FSTL4: variants seen among roughly 807,000 people sequenced by gnomAD.
The protein encoded by FSTL4 is follistatin-related protein 4.
A neutral mutation model predicts 78.2 loss-of-function variants in FSTL4; 28 were observed. The observed-to-expected ratio is 0.36, with a 90% CI of 0.27 to 0.49. The LOEUF is 0.49. FSTL4 is among the 20% of genes least tolerant of loss of function. FSTL4 has a pLI of 0.98. For synonymous variants in FSTL4, 422 were observed against 440.5 expected (o/e 0.96, Z 0.53); for missense variants, 922 against 1,084.9 (o/e 0.85, Z 2.11).
chr5:133,598,170 G>A (rs968886742), intron 2 of FSTL4, among the ~76,000 whole-genome samples: 1 of 152,050 alleles, frequency 6.6e-6, no homozygotes, highest in African/African-American at 2.4e-5. Context: ...CATCATGTCA[G>A]CAAGAACTAA....
upstream of FSTL4, among the ~76,000 whole-genome samples, chr5:133,616,645 G>A (rs1703875044): frequency 6.6e-6 from 1 of 151,920 alleles, no homozygotes; most frequent in Admixed American, 6.6e-5. Flanking sequence ...CAAGTAATTT[G>A]CCCCACCTCG....
chr5:133,801,636 C>T, the FSTL4 span, among the ~76,000 whole-genome samples: 1 of 152,274 alleles, frequency 6.6e-6, no homozygotes, highest in Non-Finnish European at 1.5e-5. Flanking sequence ...GGTGTCCCCG[C>T]CCCACTGCCA....
At chr5:133,592,801 C>A (rs1450572222) in intron 2 of FSTL4, among the ~76,000 whole-genome samples, 4 of 152,188 alleles carry the variant, frequency 2.6e-5, no homozygotes, top group Non-Finnish European at 5.9e-5. Context: ...TCACCTTCTA[C>A]CAGGAGTGGA....
At chr5:133,251,555 G>A (rs373129857) in intron 6 of FSTL4, among the ~76,000 whole-genome samples, 1 of 152,042 alleles carries the variant, frequency 6.6e-6, no homozygotes, top group South Asian at 2.1e-4. Context: ...CACACCTGCT[G>A]CCTATTGACC....
the FSTL4 span, among the ~76,000 whole-genome samples, chr5:133,763,724 T>C: frequency 0.043 from 6,615 of 152,216 alleles, 426 homozygotes; most frequent in African/African-American, 0.14. Context: ...AAAACAGATA[T>C]AGCTAACCAT....
At chr5:133,280,471 G>A (rs949643058) in intron 6 of FSTL4, among the ~76,000 whole-genome samples, 1 of 152,144 alleles carries the variant, frequency 6.6e-6, no homozygotes, top group Non-Finnish European at 1.5e-5. Flanking sequence ...GACATGGACT[G>A]GGCCAGGGGT....
chr5:133,494,207 G>T (rs1474157741), intron 3 of FSTL4, among the ~76,000 whole-genome samples: 1 of 152,008 alleles, frequency 6.6e-6, no homozygotes, highest in Non-Finnish European at 1.5e-5. Flanking sequence ...AACCACAGCA[G>T]AAAGAAAAAA....
chr5:133,642,540 C>T, the FSTL4 span, among the ~76,000 whole-genome samples: 31 of 152,154 alleles, frequency 2.0e-4, no homozygotes, highest in Non-Finnish European at 3.4e-4. Flanking sequence ...TGTTAATCCA[C>T]ACTTCTGTAC....
Position 133,225,105 on chromosome 5 carries a change from C to A in FSTL4, c.1312+45G>T. 6.2e-7 allele frequency: 1 copy of A among 1,613,064 alleles called. No homozygotes were observed. The highest frequency in any genetic ancestry group is 1.7e-5 in the Admixed American group (1 of 60,026). On this transcript the variant is annotated intron_variant, in intron 10 of 15. Transcript: ENST00000265342. The surrounding 1 kb of genome is among the most constrained non-coding windows in gnomAD (Gnocchi z 4.6). ...TGGTGCCCTCCCTTGCCACCCAACA[C>A]CTCCCAGCCAGCTCAGTGAGAAGCA...
At chr5:133,322,871 A>C (rs1314775408) in intron 4 of FSTL4, among the ~76,000 whole-genome samples, 1 of 152,172 alleles carries the variant, frequency 6.6e-6, no homozygotes, top group Non-Finnish European at 1.5e-5. Context: ...TCTGGGGTTG[A>C]CTGAGGGAAG....
chr5:133,743,210 T>A, the FSTL4 span, among the ~76,000 whole-genome samples: 1 of 152,078 alleles, frequency 6.6e-6, no homozygotes. Flanking sequence ...ATTTCGTAAG[T>A]GAGGCAGCTG....
chr5:133,630,260 C>T, the FSTL4 span, among the ~76,000 whole-genome samples: 52 of 152,374 alleles, frequency 3.4e-4, no homozygotes, highest in Middle Eastern at 3.4e-3. Flanking sequence ...ATTGTCTCAG[C>T]CCAAAATCTC....
chr5:133,303,644 CAAGCT>C (rs1365174337), intron 6 of FSTL4, among the ~76,000 whole-genome samples: 2 of 152,194 alleles, frequency 1.3e-5, no homozygotes, highest in Non-Finnish European at 2.9e-5. Flanking sequence ...GTGCAGCCCA[CAAGCT>C]GGGCCTTGTA....
At chr5:133,827,137 A>G in the FSTL4 span, among the ~76,000 whole-genome samples, 3 of 152,190 alleles carry the variant, frequency 2.0e-5, no homozygotes, top group African/African-American at 7.2e-5. Flanking sequence ...ATGATACCGC[A>G]TCATCCTCGG....
At chr5:133,796,400 C>G in the FSTL4 span, among the ~76,000 whole-genome samples, 8 of 152,196 alleles carry the variant, frequency 5.3e-5, no homozygotes, top group African/African-American at 1.9e-4. Flanking sequence ...GTGACAGCTT[C>G]CTGTATCCCG....
intron 3 of FSTL4, among the ~76,000 whole-genome samples, chr5:133,525,230 C>A (rs1759067677): frequency 6.6e-6 from 1 of 152,192 alleles, no homozygotes; most frequent in South Asian, 2.1e-4. Context: ...CACGCACATT[C>A]CACCCCAAAC....
At chr5:133,703,354 G>A in the FSTL4 span, among the ~76,000 whole-genome samples, 1 of 152,146 alleles carries the variant, frequency 6.6e-6, no homozygotes, top group Non-Finnish European at 1.5e-5. Flanking sequence ...TTGAAGGGCT[G>A]GGAGGAGAAA....
chr5:133,401,088 G>A (rs1756214076), intron 3 of FSTL4, 102 bp from the exon 4 acceptor site: 6 of 1,380,596 alleles, frequency 4.3e-6, no homozygotes, highest in East Asian at 2.3e-5. Context: ...ATTTGCCTGT[G>A]CAGCCAAGCT....
At chr5:133,551,823 A>G (rs1759696429) in intron 3 of FSTL4, among the ~76,000 whole-genome samples, 1 of 152,220 alleles carries the variant, frequency 6.6e-6, no homozygotes, top group East Asian at 1.9e-4. Context: ...ATATCTTTGG[A>G]AAGTAATTAC....
Sources: gnomAD v4.1 joint callset for allele counts (sites outside exome capture counted in the v4.1 genomes callset) on GRCh38, gnomAD v4.1.1 for gene constraint, Gnocchi (gnomAD v3.1) non-coding constraint, MANE v1.5 for transcripts, NCBI Gene and HGNC (gene_info 2026-07-23, HGNC 2026-07-21) for gene names.